The following PCDH11Y variants were observed in gnomAD, a reference collection of about 807,000 sequenced individuals.
PCDH11Y encodes the protein protocadherin-11 Y-linked.
For missense variants in PCDH11Y, 12 were observed against 224.8 expected (o/e 0.05, Z 6.05); for synonymous variants, 9 against 83.6 (o/e 0.11, Z 4.87).
chrY:5,367,562 A>G (rs2053181938), intron 2 of PCDH11Y, among the ~76,000 whole-genome samples: 1 of 25,156 alleles, frequency 4.0e-5, no homozygotes, highest in Non-Finnish European at 9.1e-5. Context: ...TTTTTTTTGT[A>G]TTTTTAGTAG....
chrY:5,162,494 A>T, intron 2 of PCDH11Y, among the ~76,000 whole-genome samples: 3 of 33,434 alleles, frequency 9.0e-5, no homozygotes, highest in Non-Finnish European at 2.2e-4. Flanking sequence ...ATTAGTGAAC[A>T]TACTAATAAG....
upstream of PCDH11Y, among the ~76,000 whole-genome samples, chrY:5,055,229 A>G: frequency 3.0e-5 from 1 of 33,418 alleles, no homozygotes; most frequent in Non-Finnish European, 7.4e-5. Flanking sequence ...CAGCTATGCA[A>G]TGGGACAGTT....
intron 3 of PCDH11Y, among the ~76,000 whole-genome samples, chrY:5,565,237 C>T: frequency 3.0e-5 from 1 of 33,616 alleles, no homozygotes; most frequent in Non-Finnish European, 7.4e-5. Context: ...GACTACTTAA[C>T]AGTATTCGAT....
intron 1 of PCDH11Y, among the ~76,000 whole-genome samples, chrY:5,029,987 A>G: frequency 3.2e-5 from 1 of 31,176 alleles, no homozygotes; most frequent in Non-Finnish European, 7.8e-5. Context: ...ATCTATCACT[A>G]AGGTTCTATA....
chrY:5,618,641 G>GA (rs1283034415), intron 4 of PCDH11Y, among the ~76,000 whole-genome samples: 10 of 16,271 alleles, frequency 6.1e-4, no homozygotes, highest in South Asian at 1.4e-3. Flanking sequence ...TCTGGAGTTT[G>GA]AAAAAAAAAA....
chrY:5,359,341 G>A, intron 2 of PCDH11Y, among the ~76,000 whole-genome samples: 2 of 32,794 alleles, frequency 6.1e-5, no homozygotes, highest in Non-Finnish European at 1.5e-4. Flanking sequence ...ATGTTACCAC[G>A]TATTTGTTAA....
chrY:5,520,222 A>G (rs2053379136), intron 3 of PCDH11Y, among the ~76,000 whole-genome samples: 1 of 23,918 alleles, frequency 4.2e-5, no homozygotes, highest in Non-Finnish European at 9.7e-5. Context: ...CCATCTCATA[A>G]AAAAAAAAAA....
intron 3 of PCDH11Y, among the ~76,000 whole-genome samples, chrY:5,520,565 T>A (rs2124690212): frequency 6.0e-5 from 2 of 33,382 alleles, no homozygotes; most frequent in South Asian, 1.3e-3. Context: ...TACTTGACCA[T>A]AACAAAAACT....
downstream of PCDH11Y, among the ~76,000 whole-genome samples, chrY:5,103,052 A>G: frequency 3.0e-5 from 1 of 33,287 alleles, no homozygotes; most frequent in African/African-American, 1.2e-4. Context: ...TACCTTTTCT[A>G]TATGCTCTTC....
chrY:5,109,976 T>G (rs2052801400), downstream of PCDH11Y, among the ~76,000 whole-genome samples: 1 of 33,860 alleles, frequency 3.0e-5, no homozygotes, highest in African/African-American at 1.1e-4. Flanking sequence ...TTCATTAGAT[T>G]TCAGGTAGTC....
At chrY:5,546,403 C>T in intron 3 of PCDH11Y, among the ~76,000 whole-genome samples, 4 of 32,283 alleles carry the variant, frequency 1.2e-4, no homozygotes, top group African/African-American at 4.8e-4. Context: ...CGAGCCTGAC[C>T]CAGCAAATAA....
chrY:5,227,997 C>A, intron 2 of PCDH11Y, among the ~76,000 whole-genome samples: 1 of 31,789 alleles, frequency 3.1e-5, no homozygotes, highest in Non-Finnish European at 7.7e-5. Flanking sequence ...ATAGGATTGG[C>A]ATTAATCACT....
intron 2 of PCDH11Y, among the ~76,000 whole-genome samples, chrY:5,157,528 T>G: frequency 3.0e-5 from 1 of 33,632 alleles, no homozygotes; most frequent in South Asian, 6.6e-4. Flanking sequence ...TGTTATAAGT[T>G]TGTTAATTAG....
chrY:5,671,578 A>C, intron 4 of PCDH11Y, among the ~76,000 whole-genome samples: 1 of 32,613 alleles, frequency 3.1e-5, no homozygotes, highest in Non-Finnish European at 7.6e-5. Context: ...CCTTGTTGGC[A>C]TATAAAAATA....
intron 4 of PCDH11Y, among the ~76,000 whole-genome samples, chrY:5,594,488 A>G: frequency 3.1e-5 from 1 of 32,349 alleles, no homozygotes; most frequent in Admixed American, 2.8e-4. Context: ...CACCCCACAC[A>G]CACACACCGA....
intron 2 of PCDH11Y, among the ~76,000 whole-genome samples, chrY:5,378,429 GACAA>G: frequency 3.0e-5 from 1 of 32,842 alleles, no homozygotes; most frequent in Non-Finnish European, 7.4e-5. Flanking sequence ...TTATCAAACT[GACAA>G]ACTAAATAAT....
intron 2 of PCDH11Y, among the ~76,000 whole-genome samples, chrY:5,130,501 A>C: frequency 5.9e-5 from 2 of 33,838 alleles, no homozygotes; most frequent in Non-Finnish European, 1.5e-4. Context: ...AATCATTTGA[A>C]AAATATCTCA....
upstream of PCDH11Y, among the ~76,000 whole-genome samples, chrY:5,051,341 T>C: frequency 3.0e-5 from 1 of 33,065 alleles, no homozygotes; most frequent in Non-Finnish European, 7.5e-5. Context: ...GATAATCTGG[T>C]ACTTGTTGAC....
chrY:5,614,388 C>T, intron 4 of PCDH11Y, among the ~76,000 whole-genome samples: 1 of 32,138 alleles, frequency 3.1e-5, no homozygotes, highest in Non-Finnish European at 7.5e-5. Flanking sequence ...TCAACTCAAG[C>T]GAATTGCTTA....
Sources: allele counts gnomAD v4.1 joint callset (sites outside exome capture counted in the v4.1 genomes callset), GRCh38; gene constraint gnomAD v4.1.1; transcripts MANE v1.5; gene names NCBI Gene and HGNC (gene_info 2026-07-23, HGNC 2026-07-21).